The following BTBD9 variants were observed in gnomAD, a reference collection of about 807,000 sequenced individuals.
The protein encoded by BTBD9 is BTB domain containing 9.
A neutral mutation model predicts 64.3 loss-of-function variants in BTBD9; 49 were observed. That is an observed-to-expected ratio of 0.76 (90% CI 0.61 to 0.97). The LOEUF is 0.97. Among genes scored for constraint, BTBD9 ranks in the 50% least tolerant of loss-of-function variants. The pLI is 0.00. For synonymous variants in BTBD9, 260 were observed against 274.7 expected, an observed-to-expected ratio of 0.95 and a Z score of 0.53; for missense variants, 598 against 762.1, an observed-to-expected ratio of 0.78 and a Z score of 2.53.
chr6:38,418,809 A>C (rs559695796), intron 6 of BTBD9, among the ~76,000 whole-genome samples: 1 of 152,286 alleles, frequency 6.6e-6, no homozygotes, highest in African/African-American at 2.4e-5. Context: ...TTGGATGAGA[A>C]TGCATGGACT....
chr6:38,532,172 T>C (rs1056492855), intron 6 of BTBD9, among the ~76,000 whole-genome samples: 5 of 152,180 alleles, frequency 3.3e-5, no homozygotes, highest in Admixed American at 1.3e-4. Context: ...CTGAACTCAA[T>C]GGTGCCCTGT....
chr6:38,464,754 C>G (rs1196509818), intron 6 of BTBD9, among the ~76,000 whole-genome samples: 1 of 152,118 alleles, frequency 6.6e-6, no homozygotes, highest in Non-Finnish European at 1.5e-5. Flanking sequence ...CCTCAGTCTC[C>G]CAAAGTGGTG....
At chr6:38,587,246 G>C in intron 4 of BTBD9, 1 of 300,878 alleles carries the variant, frequency 3.3e-6, no homozygotes, top group South Asian at 3.6e-5. Context: ...GTGGAGACCT[G>C]TGGAGAGGTG....
chr6:38,376,758 T>C (rs552416972), intron 6 of BTBD9, among the ~76,000 whole-genome samples: 1 of 152,342 alleles, frequency 6.6e-6, no homozygotes, highest in East Asian at 1.9e-4. Flanking sequence ...CTAGTCTAAA[T>C]ACTCTGGGTA....
chr6:38,387,236 G>C (rs374289296), intron 6 of BTBD9, among the ~76,000 whole-genome samples: 1 of 152,142 alleles, frequency 6.6e-6, no homozygotes, highest in African/African-American at 2.4e-5. Flanking sequence ...AGTAAGTCTA[G>C]GATAATAAGA....
At chr6:38,317,263 G>A in intron 7 of BTBD9, among the ~76,000 whole-genome samples, 1 of 151,988 alleles carries the variant, frequency 6.6e-6, no homozygotes. Context: ...CCAAAGTGCT[G>A]GATTACAGGC....
rs115123854 is a variant in BTBD9, at chr6:38,454,125, C to G, written c.1155-109032G>C. Among the ~76,000 whole-genome samples, 184 of 152,236 alleles carry G rather than the reference C, an allele frequency of 1.2e-3. 1 individual carries two copies. Among genetic ancestry groups the G allele is most frequent in the African/African-American group, 4.3e-3 (178 of 41,546 alleles). ...GTAGGTTTGGGTTTCAAGTAATTAA[C>G]CTAACACTTGAACAATGGACTGTTA... is the stretch of plus-strand genomic sequence containing the variant. On this transcript the variant is annotated intron_variant, in intron 6 of 10. Transcript: ENST00000481247.
At chr6:38,176,169 G>A (rs139600901) in intron 10 of BTBD9, among the ~76,000 whole-genome samples, 24 of 152,336 alleles carry the variant, frequency 1.6e-4, no homozygotes, top group African/African-American at 2.9e-4. Flanking sequence ...AGAGAAGGGC[G>A]GGGTGGGGGC....
At chr6:38,607,016 C>G (rs1043347090) in intron 1 of BTBD9, among the ~76,000 whole-genome samples, 4 of 152,164 alleles carry the variant, frequency 2.6e-5, no homozygotes, top group African/African-American at 9.6e-5. Flanking sequence ...AGTTCTCAAA[C>G]TTTAACATAC....
chr6:38,607,024 T>C (rs904796888), intron 1 of BTBD9, among the ~76,000 whole-genome samples: 7 of 152,158 alleles, frequency 4.6e-5, no homozygotes, highest in African/African-American at 1.4e-4. Flanking sequence ...AACTTTAACA[T>C]ACCATCTTCA....
intron 8 of BTBD9, among the ~76,000 whole-genome samples, chr6:38,277,976 C>G (rs1422353351): frequency 6.6e-6 from 1 of 152,190 alleles, no homozygotes; most frequent in Non-Finnish European, 1.5e-5. Context: ...GCCAACCTTG[C>G]TAGGGCTGAC....
At position 38,459,832 on chromosome 6, in the gene BTBD9, T is replaced by C. The variant is rs1769991229; in HGVS notation, c.1155-114739A>G. Reference sequence around the variant, plus strand: ...AAGTATAATTATTTGCAAAGACCATTTATTTTAAAGTAGAAGTCAATATGT... The same window carrying C: ...AAGTATAATTATTTGCAAAGACCATCTATTTTAAAGTAGAAGTCAATATGT... On this transcript the variant is annotated intron_variant, in intron 6 of 10. Transcript: ENST00000481247. 2.6e-5 allele frequency among the ~76,000 whole-genome samples: 4 copies of C among 152,336 alleles called. 1 individual carries two copies. In the South Asian group the frequency reaches 6.2e-4, roughly 24 times the overall value.
intron 6 of BTBD9, among the ~76,000 whole-genome samples, chr6:38,377,334 G>A (rs1469948746): frequency 6.6e-6 from 1 of 152,104 alleles, no homozygotes; most frequent in Admixed American, 6.6e-5. Flanking sequence ...GTTTCCATTG[G>A]AAACAATTAC....
intron 6 of BTBD9, among the ~76,000 whole-genome samples, chr6:38,364,699 C>T (rs1422231216): frequency 3.9e-5 from 6 of 152,116 alleles, no homozygotes; most frequent in African/African-American, 7.2e-5. Flanking sequence ...TGGTTTTCTG[C>T]GTAGTTCTGC....
chr6:38,416,181 G>A (rs1767656268), intron 6 of BTBD9, among the ~76,000 whole-genome samples: 1 of 152,128 alleles, frequency 6.6e-6, no homozygotes, highest in Non-Finnish European at 1.5e-5. Context: ...GCCCCAAAGA[G>A]ATTCTTCAGT....
chr6:38,581,982 G>A (rs1776304081), intron 4 of BTBD9, among the ~76,000 whole-genome samples: 1 of 152,216 alleles, frequency 6.6e-6, no homozygotes, highest in African/African-American at 2.4e-5. Context: ...TTGGTTGTGT[G>A]ATTTGAATAC....
chr6:38,235,006 AC>A, intron 9 of BTBD9, among the ~76,000 whole-genome samples: 2 of 152,224 alleles, frequency 1.3e-5, no homozygotes, highest in African/African-American at 4.8e-5. Context: ...ATTACACTGT[AC>A]TTCTCCTGGG....
At chr6:38,499,413 T>A (rs768987471) in intron 6 of BTBD9, among the ~76,000 whole-genome samples, 7 of 152,230 alleles carry the variant, frequency 4.6e-5, no homozygotes, top group African/African-American at 7.2e-5. Context: ...TAACTTGTCA[T>A]CTTGGGAACT....
intron 8 of BTBD9, among the ~76,000 whole-genome samples, chr6:38,264,044 C>A (rs549584787): frequency 6.6e-6 from 1 of 152,136 alleles, no homozygotes; most frequent in South Asian, 2.1e-4. Context: ...TCTTTTCGTT[C>A]AATTATGAAA....
Sources: allele counts gnomAD v4.1 joint callset (sites outside exome capture counted in the v4.1 genomes callset), GRCh38; gene constraint gnomAD v4.1.1; transcripts MANE v1.5; gene names NCBI Gene and HGNC (gene_info 2026-07-23, HGNC 2026-07-21).